The following NAA20 variants were observed in gnomAD, a reference collection of about 807,000 sequenced individuals.
NAA20 encodes the protein N-alpha-acetyltransferase 20.
A neutral mutation model predicts 23.8 loss-of-function variants in NAA20; 24 were observed. The observed-to-expected ratio is 1.01, with a 90% CI of 0.73 to 1.42. The LOEUF (loss-of-function observed/expected upper bound fraction) is 1.42. Among genes scored for constraint, NAA20 ranks in the 40% most tolerant of loss-of-function variants. The probability of loss-of-function intolerance (pLI) is 0.00; values close to 1 mark genes in which losing one functional copy is unlikely to be tolerated. For missense variants in NAA20, 166 were observed against 223.1 expected, an observed-to-expected ratio of 0.74 and a Z score of 1.63; for synonymous variants, 83 against 77.7, an observed-to-expected ratio of 1.07 and a Z score of -0.36.
intron 4 of NAA20, 67 bp from the exon 5 acceptor site, chr20:20,032,441 T>TA (rs1176100351): frequency 2.0e-6 from 3 of 1,510,840 alleles, no homozygotes; most frequent in Non-Finnish European, 2.7e-6. Flanking sequence ...TTAAAAAAAA[T>TA]ATGTATCTAT....
intron 4 of NAA20, among the ~76,000 whole-genome samples, chr20:20,031,804 C>G (rs1193299751): frequency 6.6e-6 from 1 of 152,014 alleles, no homozygotes; most frequent in Non-Finnish European, 1.5e-5. Flanking sequence ...ATTGGAAATA[C>G]AAATTAAAAT....
chr20:20,026,413 CAG>C (rs1308822612), intron 3 of NAA20, among the ~76,000 whole-genome samples: 1 of 151,964 alleles, frequency 6.6e-6, no homozygotes, highest in Non-Finnish European at 1.5e-5. Context: ...GCATTACTAA[CAG>C]AACCTTTAGC....
At chr20:20,025,625 T>C in intron 2 of NAA20, 52 bp from the exon 3 acceptor site, 2 of 1,360,366 alleles carry the variant, frequency 1.5e-6, no homozygotes, top group Non-Finnish European at 2.1e-6. Context: ...TATCCCTTAA[T>C]GAAGAACTTT....
intron 4 of NAA20, 30 bp downstream of exon 4, chr20:20,026,949 T>C (rs2043310884): frequency 1.2e-6 from 2 of 1,613,570 alleles, no homozygotes; most frequent in African/African-American, 2.7e-5. Flanking sequence ...ATACACTTAG[T>C]GATTTGTGGA....
chr20:20,021,052 G>T (rs1423382632), intron 1 of NAA20, among the ~76,000 whole-genome samples: 4 of 64,750 alleles, frequency 6.2e-5, no homozygotes, highest in Admixed American at 1.7e-4. Flanking sequence ...GGGGGGGGGG[G>T]ACTTTGGCAA....
chr20:20,027,804 C>T (rs553343816), intron 4 of NAA20, among the ~76,000 whole-genome samples: 2 of 149,084 alleles, frequency 1.3e-5, no homozygotes, highest in East Asian at 3.9e-4. Context: ...CTCTTCATTA[C>T]TGGAGATAAA....
At chr20:20,017,586 C>A in intron 1 of NAA20, 137 bp downstream of exon 1, 1 of 1,333,696 alleles carries the variant, frequency 7.5e-7, no homozygotes, top group East Asian at 2.8e-5. Context: ...CCCCCGCCGG[C>A]CAACGTGGGC....
intron 4 of NAA20, 62 bp from the exon 5 acceptor site, chr20:20,032,446 A>G (rs2146470453): frequency 6.5e-7 from 1 of 1,537,094 alleles, no homozygotes; most frequent in Non-Finnish European, 8.9e-7. Context: ...AAAAATATGT[A>G]TCTATTACTT....
rs760892816 is a variant in NAA20 at position 20,022,408 on chromosome 20, G to A, written c.54-48G>A. 7 of 1,546,678 alleles carry A rather than the reference G, an allele frequency of 4.5e-6. No homozygotes were observed. In the African/African-American group the frequency reaches 5.6e-5, roughly 12 times the overall value. On this transcript the variant is annotated intron_variant, in intron 1 of 5. Transcript: ENST00000334982. ...AGCTTTAGCAGGCTTATTTCAACTG[G>A]TTATTGTAAACGCTGCTTACTAGAG...
intron 2 of NAA20, among the ~76,000 whole-genome samples, chr20:20,022,922 T>G (rs1341013348): frequency 1.3e-5 from 2 of 152,156 alleles, no homozygotes; most frequent in African/African-American, 4.8e-5. Context: ...GTAACCTTGT[T>G]CCAGATGTTG....
chr20:20,020,947 C>CT (rs1291319405), intron 1 of NAA20, among the ~76,000 whole-genome samples: 3 of 148,408 alleles, frequency 2.0e-5, no homozygotes, highest in Non-Finnish European at 4.5e-5. Flanking sequence ...GTCCCGAGTA[C>CT]TGAGGGGGTC....
chr20:20,018,205 CA>C (rs1601121802), intron 1 of NAA20: 27 of 867,140 alleles, frequency 3.1e-5, no homozygotes, highest in Non-Finnish European at 3.7e-5. Context: ...TTGCAGGTAC[CA>C]ATTTTTTTTT....
At chr20:20,027,152 A>T (rs2043312260) in intron 4 of NAA20, among the ~76,000 whole-genome samples, 1 of 152,168 alleles carries the variant, frequency 6.6e-6, no homozygotes. Flanking sequence ...TAAGCTGAGG[A>T]ATTGGTGCAA....
At chr20:20,024,221 C>G (rs762185216) in intron 2 of NAA20, among the ~76,000 whole-genome samples, 5 of 152,134 alleles carry the variant, frequency 3.3e-5, no homozygotes, top group Non-Finnish European at 7.4e-5. Context: ...GAATAAGATT[C>G]ACACACAACA....
chr20:20,026,869 C>T lies in NAA20; in HGVS notation c.255C>T (p.Arg85=). ...TGTCTGTTGCCCCAGAATTTCGACG[C>T]CTTGGTTTGGCTGCTAAACTTATGG... ...TALSVAPEFR[R]LGLAAKLMEL... The change falls in exon 4 of 6, where the codon CGC becomes CGT. Residue 85 remains arginine, a synonymous_variant. Transcript: ENST00000334982. 6.2e-7 allele frequency: 1 copy of T among 1,614,122 alleles called. No homozygotes were observed. The highest frequency in any genetic ancestry group is 8.5e-7 in the Non-Finnish European group (1 of 1,180,028).
intron 2 of NAA20, among the ~76,000 whole-genome samples, chr20:20,024,168 C>G (rs1006622247): frequency 6.6e-6 from 1 of 152,144 alleles, no homozygotes; most frequent in Non-Finnish European, 1.5e-5. Context: ...TGAGTTATAC[C>G]ATTACAAACA....
At chr20:20,028,530 A>G (rs1302550683) in intron 4 of NAA20, among the ~76,000 whole-genome samples, 1 of 152,166 alleles carries the variant, frequency 6.6e-6, no homozygotes, top group Admixed American at 6.5e-5. Context: ...GACCTTGCAC[A>G]TATAATTTAG....
At chr20:20,030,203 C>T (rs1444846918) in intron 4 of NAA20, among the ~76,000 whole-genome samples, 2 of 152,148 alleles carry the variant, frequency 1.3e-5, no homozygotes, top group East Asian at 3.8e-4. Context: ...ATTCGAGGAA[C>T]ATCTCACTCA....
intron 3 of NAA20, among the ~76,000 whole-genome samples, chr20:20,026,303 T>C (rs1366927889): frequency 7.3e-6 from 1 of 137,296 alleles, no homozygotes; most frequent in Non-Finnish European, 1.6e-5. Flanking sequence ...AGACTCTGTC[T>C]CAAAAAAAAA....
Sources: gnomAD v4.1 joint callset for allele counts (sites outside exome capture counted in the v4.1 genomes callset) on GRCh38, gnomAD v4.1.1 for gene constraint, MANE v1.5 for transcripts, NCBI Gene and HGNC (gene_info 2026-07-23, HGNC 2026-07-21) for gene names.